The following DISC1 variants were observed in gnomAD, a reference collection of about 807,000 sequenced individuals.
DISC1 encodes the protein DISC1 scaffold protein.
Under a neutral mutation model 84.5 loss-of-function variants are expected in DISC1, and 57 were observed. The observed-to-expected ratio is 0.67, with a 90% CI of 0.55 to 0.84. The LOEUF (loss-of-function observed/expected upper bound fraction) is 0.84, where lower values mean the gene tolerates loss of function less well. Ranked by LOEUF, DISC1 falls within the 40% of genes least tolerant of loss-of-function variation. The pLI, the probability that DISC1 is intolerant of heterozygous loss-of-function variation, is 0.00. For missense variants in DISC1, 1,000 were observed against 1,057.8 expected (o/e 0.95, Z 0.76); for synonymous variants, 411 against 415.2 (o/e 0.99, Z 0.12).
At chr1:232,004,390 C>T (rs1572592439) in intron 10 of DISC1, among the ~76,000 whole-genome samples, 2 of 151,210 alleles carry the variant, frequency 1.3e-5, no homozygotes, top group African/African-American at 4.9e-5. Flanking sequence ...AGGAGATCTA[C>T]GAACAAGTAA....
At chr1:231,834,551 C>T (rs562699460) in intron 9 of DISC1, among the ~76,000 whole-genome samples, 8 of 152,258 alleles carry the variant, frequency 5.3e-5, no homozygotes, top group Middle Eastern at 6.8e-3. Flanking sequence ...CTATTTGGAA[C>T]CACTGTCGAG....
chr1:231,973,844 C>T (rs113372353), intron 10 of DISC1, among the ~76,000 whole-genome samples: 48 of 152,254 alleles, frequency 3.2e-4, no homozygotes, highest in African/African-American at 9.6e-4. Flanking sequence ...AGATAGTACT[C>T]TATTTTCAGG....
rs370029512 is a variant in DISC1 at position 232,001,156 on chromosome 1, G to A, written c.2043-7629G>A. On this transcript the variant is annotated intron_variant, in intron 10 of 12. Coordinates refer to ENST00000439617, the MANE Select transcript of DISC1 (RefSeq NM_018662.3). ...TGCAGTGGCGTGATCTTGGTTCACC[G>A]CAACCTCCAATTCCCAGGTTCAAGT... Among the ~76,000 whole-genome samples the A allele has an allele frequency of 6.6e-5, 10 of 152,128 alleles. No homozygotes were observed. The East Asian group carries it at 1.2e-3, about 18-fold the overall frequency.
chr1:231,814,232 C>T (rs2080648949), intron 8 of DISC1, among the ~76,000 whole-genome samples: 1 of 152,156 alleles, frequency 6.6e-6, no homozygotes, highest in Admixed American at 6.5e-5. Flanking sequence ...TTGCCCTATG[C>T]TTTACTGCAT....
chr1:232,021,300 A>G (rs1299876153), intron 11 of DISC1, among the ~76,000 whole-genome samples: 3 of 150,512 alleles, frequency 2.0e-5, no homozygotes, highest in African/African-American at 7.3e-5. Context: ...TTCCTGCGGA[A>G]TTTTCTAGGA....
At chr1:231,717,441 T>C (rs147156182) in intron 3 of DISC1, among the ~76,000 whole-genome samples, 376 of 152,266 alleles carry the variant, frequency 2.5e-3, no homozygotes, top group African/African-American at 8.6e-3. Flanking sequence ...GGAGCCTTGC[T>C]ACAGTTTGAA....
chr1:231,924,658 A>ATTTTT (rs1338480700), intron 9 of DISC1, among the ~76,000 whole-genome samples: 1 of 142,392 alleles, frequency 7.0e-6, no homozygotes, highest in South Asian at 2.2e-4. Context: ...ATTTGCAACA[A>ATTTTT]TTTTTTTTTT....
intron 8 of DISC1, among the ~76,000 whole-genome samples, chr1:231,812,897 A>G (rs1413963353): frequency 1.3e-5 from 2 of 152,228 alleles, no homozygotes; most frequent in East Asian, 1.9e-4. Context: ...CCTATAAAGT[A>G]TTGATCAAGG....
intron 9 of DISC1, among the ~76,000 whole-genome samples, chr1:231,941,855 G>C (rs2091362484): frequency 6.6e-6 from 1 of 152,210 alleles, no homozygotes; most frequent in South Asian, 2.1e-4. Context: ...CACCAGTAAA[G>C]GATCAGAGAG....
chr1:231,898,565 CA>C (rs1437430903), intron 9 of DISC1, among the ~76,000 whole-genome samples: 1 of 152,178 alleles, frequency 6.6e-6, no homozygotes, highest in Non-Finnish European at 1.5e-5. Context: ...CACCATAAAA[CA>C]AAATATAATT....
chr1:231,777,715 A>C (rs1457366644), intron 6 of DISC1, among the ~76,000 whole-genome samples: 1 of 152,182 alleles, frequency 6.6e-6, no homozygotes, highest in Admixed American at 6.5e-5. Flanking sequence ...CTCTCCACTC[A>C]AATTTATCCT....
rs1038065862 is a variant in DISC1 at position 231,674,115 on chromosome 1, C to T, written c.68-19711C>T. Among the ~76,000 whole-genome samples the T allele has an allele frequency of 5.3e-5, 8 of 152,254 alleles. No individual in the cohort carries two copies. In the East Asian group the frequency reaches 9.6e-4, roughly 18 times the overall value. On this transcript the variant is annotated intron_variant, in intron 1 of 12. Transcript: ENST00000439617. ...AGGTGATAATGATCCTTACCTCATT[C>T]AGTTTTGGCGAGGATTAAATGACAT...
intron 9 of DISC1, among the ~76,000 whole-genome samples, chr1:231,902,248 T>A (rs2126029706): frequency 6.6e-6 from 1 of 152,250 alleles, no homozygotes; most frequent in Middle Eastern, 3.4e-3. Flanking sequence ...GTTTTTAAAG[T>A]TGTTCACTTA....
chr1:232,006,559 C>G (rs1460773907), intron 10 of DISC1, among the ~76,000 whole-genome samples: 2 of 152,048 alleles, frequency 1.3e-5, no homozygotes, highest in Non-Finnish European at 2.9e-5. Flanking sequence ...GCAAAGCATT[C>G]AAGACGAGAC....
chr1:231,786,848 G>C lies in DISC1; in HGVS notation c.1635-8394G>C, dbSNP rs1466278875. On this transcript the variant is annotated intron_variant, in intron 6 of 12. Transcript: ENST00000439617. ...CACTGCACTGCGTCCACCCTTGGGA[G>C]CAGTGCTCTGAGAAGAGGCCCTGGC... Among the ~76,000 whole-genome samples, 3 of 152,260 alleles carry C rather than the reference G, an allele frequency of 2.0e-5. No individual in the cohort carries two copies. The South Asian group carries it at 6.2e-4, about 32-fold the overall frequency.
At chr1:232,000,242 A>C (rs549253637) in intron 10 of DISC1, among the ~76,000 whole-genome samples, 1 of 152,368 alleles carries the variant, frequency 6.6e-6, no homozygotes, top group Non-Finnish European at 1.5e-5. Flanking sequence ...AAAGGTCAGC[A>C]AAGATATAGA....
intron 11 of DISC1, among the ~76,000 whole-genome samples, chr1:232,012,526 G>C (rs1668112918): frequency 1.3e-5 from 2 of 152,164 alleles, no homozygotes; most frequent in African/African-American, 2.4e-5. Context: ...CTCTGGGTTG[G>C]TTTTGCTTTA....
chr1:231,746,218 T>G (rs1454042753), intron 3 of DISC1, among the ~76,000 whole-genome samples: 2 of 152,232 alleles, frequency 1.3e-5, no homozygotes, highest in East Asian at 3.8e-4. Flanking sequence ...AACTTTCTGT[T>G]CCTGGCTTAT....
Position 231,693,864 on chromosome 1 carries a change from AGGC to A in DISC1, c.113_115del (p.Arg38del). 1 of 1,613,832 alleles carries A rather than the reference AGGC, an allele frequency of 6.2e-7. No individual in the cohort carries two copies. On this transcript the variant is annotated inframe_deletion, in exon 2 of 13. Transcript: ENST00000439617. ...CTTACCACCTGCAGCGTGCTTTCGGAGGCGGCGGCTGGCACGGAGGCCGGGCTA... is the reference window on the plus strand; with the variant it reads ...CTTACCACCTGCAGCGTGCTTTCGGAGGCGGCTGGCACGGAGGCCGGGCTA...
Sources: gnomAD v4.1 joint callset for allele counts (sites outside exome capture counted in the v4.1 genomes callset) on GRCh38, gnomAD v4.1.1 for gene constraint, MANE v1.5 for transcripts, NCBI Gene and HGNC (gene_info 2026-07-23, HGNC 2026-07-21) for gene names.